Variants in LRP1B observed in about 807,000 individuals in gnomAD.
LRP1B encodes LDL receptor related protein 1B.
Under a neutral mutation model 556.6 loss-of-function variants are expected in LRP1B, and 217 were observed. That is an observed-to-expected ratio of 0.39 (90% confidence interval 0.35 to 0.44). The LOEUF (loss-of-function observed/expected upper bound fraction) is 0.44. Among genes scored for constraint, LRP1B ranks in the 20% least tolerant of loss-of-function variants. The pLI is 1.00. For missense variants in LRP1B, 5,053 were observed against 5,620.8 expected, an observed-to-expected ratio of 0.90 and a Z score of 3.23; for synonymous variants, 2,047 against 1,865.8, an observed-to-expected ratio of 1.10 and a Z score of -2.50.
At chr2:141,890,395 A>ATATATAATATATGTATTGTG (rs1699255948) in intron 1 of LRP1B, among the ~76,000 whole-genome samples, 1 of 122,542 alleles carries the variant, frequency 8.2e-6, no homozygotes, top group Non-Finnish European at 1.5e-5. Flanking sequence ...TATATAGTGT[A>ATATATAATATATGTATTGTG]TATATATATA....
chr2:142,085,156 G>T (rs910510024), intron 1 of LRP1B, among the ~76,000 whole-genome samples: 1 of 152,112 alleles, frequency 6.6e-6, no homozygotes. Context: ...CATCCAGCCT[G>T]TGCCTATAAA....
chr2:140,932,762 C>T (rs1432055594), intron 20 of LRP1B, among the ~76,000 whole-genome samples: 1 of 150,476 alleles, frequency 6.6e-6, no homozygotes, highest in African/African-American at 2.4e-5. Flanking sequence ...ACCTGTAGTC[C>T]CAGCTACTCA....
intron 2 of LRP1B, among the ~76,000 whole-genome samples, chr2:141,747,006 G>T (rs935308602): frequency 3.3e-5 from 5 of 151,980 alleles, no homozygotes; most frequent in African/African-American, 1.2e-4. Flanking sequence ...AATCTGAAAA[G>T]CCAAAGATTT....
intron 1 of LRP1B, among the ~76,000 whole-genome samples, chr2:141,853,379 C>T (rs1697930793): frequency 6.7e-6 from 1 of 149,352 alleles, no homozygotes; most frequent in Non-Finnish European, 1.5e-5. Context: ...TTGTGAAATA[C>T]TCAATCTCAA....
At chr2:141,416,931 T>A (rs1043865452) in intron 3 of LRP1B, among the ~76,000 whole-genome samples, 16 of 152,172 alleles carry the variant, frequency 1.1e-4, no homozygotes, top group Admixed American at 9.8e-4. Flanking sequence ...TTGGAAAGAT[T>A]CCACTGGGGA....
At chr2:140,528,776 G>GA (rs952612429) in intron 47 of LRP1B, among the ~76,000 whole-genome samples, 22 of 148,624 alleles carry the variant, frequency 1.5e-4, no homozygotes, top group African/African-American at 2.7e-4. Context: ...ATCCTGTGAG[G>GA]AAAAAAAAAA....
At chr2:142,020,000 T>TA (rs1703281377) in intron 1 of LRP1B, among the ~76,000 whole-genome samples, 1 of 152,204 alleles carries the variant, frequency 6.6e-6, no homozygotes, top group African/African-American at 2.4e-5. Flanking sequence ...GAACTCTGTC[T>TA]AAAATATAAT....
In LRP1B at chr2:141,822,092, T is replaced by TAC. The variant is rs149899299; in HGVS notation, c.83-11693_83-11692dup. ...AACTGCTTCTTCACCAAAAAATACA[T>TAC]ACACACACACACACACACACACACA... On this transcript the variant is annotated intron_variant, in intron 1 of 90. Coordinates refer to ENST00000389484, the MANE Select transcript of LRP1B (RefSeq NM_018557.3). Among the ~76,000 whole-genome samples, 1,113 of 112,384 alleles carry TAC rather than the reference T, an allele frequency of 9.9e-3. 14 individuals carry two copies. The highest frequency in any genetic ancestry group is 0.021 in the Middle Eastern group (4 of 192). 73.7% of individuals were successfully genotyped at this position (112,384 alleles called of 152,430 possible).
chr2:140,870,010 C>G (rs549483792), intron 25 of LRP1B, among the ~76,000 whole-genome samples: 3 of 152,186 alleles, frequency 2.0e-5, no homozygotes, highest in Admixed American at 6.5e-5. Flanking sequence ...TTGCCCCAAA[C>G]ACAAGGGAGG....
chr2:140,859,809 A>G (rs1416711397), intron 27 of LRP1B, among the ~76,000 whole-genome samples: 1 of 152,022 alleles, frequency 6.6e-6, no homozygotes, highest in Admixed American at 6.6e-5. Context: ...CCTGGCTAAC[A>G]CGGTGAAACC....
In LRP1B at chr2:141,763,557, G is replaced by A. The variant is rs375821354; in HGVS notation, c.205+46722C>T. 1.6e-4 allele frequency among the ~76,000 whole-genome samples: 25 copies of A among 152,212 alleles called. No individual in the cohort carries two copies. The East Asian group carries it at 3.5e-3, about 21-fold the overall frequency. On this transcript the variant is annotated intron_variant, in intron 2 of 90. Coordinates refer to ENST00000389484, the MANE Select transcript of LRP1B (RefSeq NM_018557.3). ...TAATGTAGCCTTAATGACGGTCAGT[G>A]ATGGTAAGTTTTTTGTTAATGTTTT...
intron 18 of LRP1B, among the ~76,000 whole-genome samples, chr2:140,979,244 G>A (rs747326440): frequency 2.6e-5 from 4 of 152,106 alleles, no homozygotes; most frequent in East Asian, 1.9e-4. Flanking sequence ...CTCCCAAAGC[G>A]CTGGAATTAC....
In LRP1B at chr2:140,258,591, G is replaced by A. The variant is rs968887563; in HGVS notation, c.13248-11429C>T. 5.9e-5 allele frequency among the ~76,000 whole-genome samples: 9 copies of A among 152,088 alleles called. No homozygotes were observed. In the South Asian group the frequency reaches 8.3e-4, roughly 14 times the overall value. On this transcript the variant is annotated intron_variant, in intron 86 of 90. Coordinates refer to ENST00000389484, the MANE Select transcript of LRP1B (RefSeq NM_018557.3). ...GCAAGTTCTGATTATTGTGTTTCTC[G>A]TCTATTGCAATGGCTTTAAAATTTT...
At chr2:140,936,689 C>T (rs187793198) in intron 20 of LRP1B, among the ~76,000 whole-genome samples, 79 of 152,142 alleles carry the variant, frequency 5.2e-4, no homozygotes, top group African/African-American at 1.9e-3. Context: ...TTGTTTCCTA[C>T]ATGATTTAAA....
At chr2:140,484,497 A>C (rs1358712546) in intron 59 of LRP1B, among the ~76,000 whole-genome samples, 1 of 152,182 alleles carries the variant, frequency 6.6e-6, no homozygotes, top group Non-Finnish European at 1.5e-5. Context: ...TGCTACTGTG[A>C]ATGTGTCCTA....
chr2:140,242,244 G>T (rs1164965742), intron 87 of LRP1B, among the ~76,000 whole-genome samples: 1 of 151,072 alleles, frequency 6.6e-6, no homozygotes, highest in East Asian at 2.0e-4. Context: ...CAGTATTATA[G>T]ATAGGATTAT....
chr2:141,194,955 C>A (rs543949744), intron 6 of LRP1B, among the ~76,000 whole-genome samples: 1 of 151,794 alleles, frequency 6.6e-6, no homozygotes, highest in Admixed American at 6.6e-5. Flanking sequence ...ATTTTAGTAC[C>A]AAAACAATAA....
At chr2:141,644,663 A>G (rs538839769) in intron 2 of LRP1B, among the ~76,000 whole-genome samples, 74 of 152,012 alleles carry the variant, frequency 4.9e-4, no homozygotes, top group African/African-American at 1.7e-3. Context: ...CTTTTCATAG[A>G]AAAGGCATTG....
At chr2:141,283,573 A>T (rs1685587692) in intron 3 of LRP1B, among the ~76,000 whole-genome samples, 1 of 151,938 alleles carries the variant, frequency 6.6e-6, no homozygotes, top group South Asian at 2.1e-4. Flanking sequence ...GAGAATGGAA[A>T]CAGCAAAGTC....
Sources: gnomAD v4.1 joint callset for allele counts (sites outside exome capture counted in the v4.1 genomes callset) on GRCh38, gnomAD v4.1.1 for gene constraint, MANE v1.5 for transcripts, NCBI Gene and HGNC (gene_info 2026-07-23, HGNC 2026-07-21) for gene names.